The following ARSL variants were observed in gnomAD, a reference collection of about 807,000 sequenced individuals.
ARSL encodes the protein arylsulfatase E (chondrodysplasia punctata 1).
In ARSL, 4 loss-of-function variants were observed where a neutral mutation model predicts 31.1. The ratio of observed to expected loss-of-function variants is 0.13; its 90% CI spans 0.06 to 0.29. The LOEUF (loss-of-function observed/expected upper bound fraction) is 0.29, where lower values mean the gene tolerates loss of function less well. ARSL is among the 10% of genes least tolerant of loss of function. The pLI, the probability that ARSL is intolerant of heterozygous loss-of-function variation, is 1.00. For synonymous variants in ARSL, 198 were observed against 209.9 expected (o/e 0.94, Z 0.49); for missense variants, 312 against 497.8 (o/e 0.63, Z 3.55).
intron 5 of ARSL, among the ~76,000 whole-genome samples, chrX:2,952,502 G>A (rs141426115): frequency 0.022 from 2,446 of 111,246 alleles, 35 homozygotes; most frequent in East Asian, 0.06. Context: ...TCCCACACAT[G>A]AGGCTCCACC....
At chrX:2,957,663 C>T (rs1174342252) in intron 3 of ARSL, among the ~76,000 whole-genome samples, 5 of 103,792 alleles carry the variant, frequency 4.8e-5, no homozygotes, top group South Asian at 8.7e-4. Flanking sequence ...GAGCCGAGAT[C>T]GCACCACTGC....
intron 5 of ARSL, 108 bp downstream of exon 5, chrX:2,953,035 T>C: frequency 2.1e-6 from 2 of 970,419 alleles, no homozygotes; most frequent in Non-Finnish European, 2.9e-6. Flanking sequence ...GCTTTCTGTC[T>C]AGTGGGAAAT....
In ARSL at chrX:2,959,902, G is replaced by GA. The variant is rs200676827; in HGVS notation, c.23+475dup. ...GAGACCCTGTCTCTATATAAGAAAGGAAAAAAAATAAAGAAGGGAAGGAAG... is the reference window on the plus strand; with the variant it reads ...GAGACCCTGTCTCTATATAAGAAAGGAAAAAAAAATAAAGAAGGGAAGGAAG... On this transcript the variant is annotated intron_variant, in intron 2 of 10. Transcript: ENST00000381134. The GA allele has an allele frequency of 3.0e-3, 672 of 226,570 alleles. 4 individuals are homozygous for GA. The highest frequency in any genetic ancestry group is 0.019 in the African/African-American group (586 of 30,461). The allele number at this position is 226,570 out of a possible 1,213,427, so 18.7% of individuals were successfully genotyped here. A position where few individuals can be genotyped will look rare whatever the true frequency, so the allele number is the denominator to read the frequency against.
At chrX:2,943,378 T>G (rs2089308419) in intron 7 of ARSL, among the ~76,000 whole-genome samples, 179 bp from the exon 8 acceptor site, 1 of 111,565 alleles carries the variant, frequency 9.0e-6, no homozygotes, top group Non-Finnish European at 1.9e-5. Context: ...GATGTATGAC[T>G]TTATATGCAC....
chrX:2,942,844 A>G (rs1337289068), intron 8 of ARSL, among the ~76,000 whole-genome samples: 1 of 111,442 alleles, frequency 9.0e-6, no homozygotes, highest in African/African-American at 3.3e-5. Flanking sequence ...GTTCATCTGC[A>G]TCTCATTTTT....
chrX:2,963,350 A>T lies in ARSL; in HGVS notation c.-21+874T>A, dbSNP rs192834979. Reference sequence around the variant, plus strand: ...CAGCATTGCTTTCTGACCTACAATGACATGCTGCCAATGGTCAGAAAACGG... The same window carrying T: ...CAGCATTGCTTTCTGACCTACAATGTCATGCTGCCAATGGTCAGAAAACGG... On this transcript the variant is annotated intron_variant, in intron 1 of 10. Transcript: ENST00000381134. Among the ~76,000 whole-genome samples the T allele has an allele frequency of 3.1e-3, 342 of 110,827 alleles. 1 individual carries two copies. Among genetic ancestry groups the T allele is most frequent in the African/African-American group, 0.011 (329 of 30,561 alleles).
chrX:2,956,261 C>T (rs767385170), intron 3 of ARSL, among the ~76,000 whole-genome samples: 1 of 111,644 alleles, frequency 9.0e-6, no homozygotes, highest in African/African-American at 3.2e-5. Context: ...CTAGCTCTAG[C>T]TCTTGACAGA....
chrX:2,944,821 T>C (rs962122532), intron 7 of ARSL, among the ~76,000 whole-genome samples: 4 of 110,424 alleles, frequency 3.6e-5, no homozygotes, highest in African/African-American at 1.3e-4. Flanking sequence ...CCCACAGGAG[T>C]TTATATTCCC....
At chrX:2,935,692 CTTT>C (rs61012417) in intron 10 of ARSL, among the ~76,000 whole-genome samples, 1 of 40,365 alleles carries the variant, frequency 2.5e-5, no homozygotes, top group Non-Finnish European at 7.1e-5. Context: ...CTTTTCTTTT[CTTT>C]TTTTTTTTTT....
intron 7 of ARSL, among the ~76,000 whole-genome samples, chrX:2,944,852 A>G (rs2089350314): frequency 9.0e-6 from 1 of 111,186 alleles, no homozygotes; most frequent in Non-Finnish European, 1.9e-5. Flanking sequence ...TGGAAAATCA[A>G]CCTACCTAAC....
chrX:2,953,061 C>A lies in ARSL; in HGVS notation c.430+82G>T, dbSNP rs1285172172. 5.4e-6 allele frequency: 6 copies of A among 1,107,566 alleles called. No homozygotes were observed. In the East Asian group the frequency reaches 1.9e-4, roughly 36 times the overall value. The allele number at this position is 1,107,566 out of a possible 1,213,427, so 91.3% of individuals were successfully genotyped here. A position where few individuals can be genotyped will look rare whatever the true frequency, so the allele number is the denominator to read the frequency against. ...AGTGGGAAATCCCACAGCACCTCAC[C>A]CACTTTCCTTTCCAAACTCTTTAGC... is the stretch of plus-strand genomic sequence containing the variant. On this transcript the variant is annotated intron_variant, in intron 5 of 10. Coordinates refer to ENST00000381134, the MANE Select transcript of ARSL (RefSeq NM_000047.3).
At chrX:2,939,622 C>G (rs1045114158) in intron 8 of ARSL, among the ~76,000 whole-genome samples, 7 of 110,643 alleles carry the variant, frequency 6.3e-5, no homozygotes, top group African/African-American at 2.3e-4. Context: ...CCATCTACTT[C>G]AAAGCAAATA....
At chrX:2,965,961 A>T (rs910924480), upstream of ARSL, among the ~76,000 whole-genome samples, 4 of 112,482 alleles carry the variant, frequency 3.6e-5, no homozygotes, top group African/African-American at 1.3e-4. Context: ...GCACTGCATG[A>T]TCATTGCTGG....
intron 1 of ARSL, among the ~76,000 whole-genome samples, chrX:2,960,780 C>G (rs2089617289): frequency 9.0e-6 from 1 of 111,228 alleles, no homozygotes; most frequent in African/African-American, 3.3e-5. Flanking sequence ...ATTATTTTGT[C>G]TTCTGCTTCC....
intron 7 of ARSL, among the ~76,000 whole-genome samples, chrX:2,945,235 G>C (rs1196678052): frequency 9.0e-6 from 1 of 111,067 alleles, no homozygotes. Flanking sequence ...AAATGTGAAA[G>C]ATACTGTGTG....
chrX:2,955,641 T>C (rs772985259), intron 3 of ARSL, 104 bp from the exon 4 acceptor site: 1 of 939,712 alleles, frequency 1.1e-6, no homozygotes, highest in African/African-American at 1.9e-5. Context: ...CATCGCTGAG[T>C]GCTTCAAGAT....
Position 2,934,754 on chromosome X carries a change from C to A in ARSL, c.*78G>T. ...GCCTCCTAAAGTGCTGGGATGACAA[C>A]CACCATGGCCAGCTGGTTTGTTTCA... On this transcript the variant is annotated 3_prime_UTR_variant, in exon 11 of 11. Coordinates refer to ENST00000381134, the MANE Select transcript of ARSL (RefSeq NM_000047.3). The A allele has an allele frequency of 2.0e-6, 2 of 1,021,996 alleles. No homozygotes were observed. Among genetic ancestry groups the A allele is most frequent in the Non-Finnish European group, 1.3e-6 (1 of 742,466 alleles). The allele number at this position is 1,021,996 out of a possible 1,213,427, so 84.2% of individuals were successfully genotyped here. A position where few individuals can be genotyped will look rare whatever the true frequency, so the allele number is the denominator to read the frequency against.
intron 7 of ARSL, among the ~76,000 whole-genome samples, chrX:2,945,221 G>A (rs936938345): frequency 5.4e-5 from 6 of 110,911 alleles, no homozygotes; most frequent in African/African-American, 2.0e-4. Context: ...CCCTGACAGG[G>A]GACAAATGTG....
intron 9 of ARSL, among the ~76,000 whole-genome samples, chrX:2,937,170 G>T (rs914894302): frequency 2.7e-5 from 3 of 111,514 alleles, no homozygotes; most frequent in Non-Finnish European, 5.7e-5. Flanking sequence ...GAGGCGGGTG[G>T]ATCACCTGAG....
Sources: allele counts gnomAD v4.1 joint callset (sites outside exome capture counted in the v4.1 genomes callset), GRCh38; gene constraint gnomAD v4.1.1; transcripts MANE v1.5; gene names NCBI Gene and HGNC (gene_info 2026-07-23, HGNC 2026-07-21).